The following GRIP1 variants were observed in gnomAD, a reference collection of about 807,000 sequenced individuals.
GRIP1 encodes the protein glutamate receptor interacting protein 1.
Under a neutral mutation model 129.9 loss-of-function variants are expected in GRIP1, and 45 were observed. The observed-to-expected ratio is 0.35, with a 90% CI of 0.27 to 0.44. The LOEUF is 0.44. Ranked by LOEUF, GRIP1 falls within the 20% of genes least tolerant of loss-of-function variation. The pLI is 1.00. For synonymous variants in GRIP1, 530 were observed against 520.8 expected, an observed-to-expected ratio of 1.02 and a Z score of -0.24; for missense variants, 1,196 against 1,396.8, an observed-to-expected ratio of 0.86 and a Z score of 2.29.
At chr12:66,947,696 A>C (rs774356607) in intron 1 of GRIP1, among the ~76,000 whole-genome samples, 17 of 152,216 alleles carry the variant, frequency 1.1e-4, no homozygotes, top group Non-Finnish European at 2.2e-4. Context: ...GGCATTGTGA[A>C]CAAGAATTCT....
intron 1 of GRIP1, among the ~76,000 whole-genome samples, chr12:66,641,872 C>A (rs2136092028): frequency 6.6e-6 from 1 of 152,196 alleles, no homozygotes; most frequent in East Asian, 1.9e-4. Flanking sequence ...ATAAGCATCA[C>A]CTTAAAAGTG....
intron 2 of GRIP1, chr12:66,564,080 T>TTC (rs398070113): frequency 1.6e-5 from 1 of 62,694 alleles, no homozygotes; most frequent in Non-Finnish European, 3.4e-5. Context: ...GTTTCTTCTC[T>TTC]GTCTTTTTCA....
intron 15 of GRIP1, among the ~76,000 whole-genome samples, chr12:66,418,347 C>T (rs1192973184): frequency 6.6e-6 from 1 of 152,138 alleles, no homozygotes; most frequent in Non-Finnish European, 1.5e-5. Flanking sequence ...CACAAGAAAA[C>T]ATTGGGGAAA....
At chr12:66,359,142 A>G (rs1008836587) in intron 23 of GRIP1, among the ~76,000 whole-genome samples, 8 of 152,188 alleles carry the variant, frequency 5.3e-5, no homozygotes, top group African/African-American at 1.9e-4. Context: ...CTCTGTGCCT[A>G]CGGCTAGTTG....
At chr12:66,637,999 C>A (rs1308723289) in intron 1 of GRIP1, among the ~76,000 whole-genome samples, 2 of 152,174 alleles carry the variant, frequency 1.3e-5, no homozygotes, top group Non-Finnish European at 2.9e-5. Context: ...ACTAAAAATT[C>A]TTTTGTACGC....
At chr12:66,578,329 C>T (rs576483001) in intron 2 of GRIP1, among the ~76,000 whole-genome samples, 88 of 145,420 alleles carry the variant, frequency 6.1e-4, no homozygotes, top group Middle Eastern at 7.8e-3. Context: ...GTGTGAGCGA[C>T]GCAGAAGACG....
At chr12:66,902,941 T>C (rs2137277401) in intron 1 of GRIP1, among the ~76,000 whole-genome samples, 1 of 152,322 alleles carries the variant, frequency 6.6e-6, no homozygotes, top group South Asian at 2.1e-4. Flanking sequence ...ACGTGACAAA[T>C]TAGTTGCTAA....
intron 19 of GRIP1, among the ~76,000 whole-genome samples, chr12:66,390,798 C>T: frequency 6.6e-6 from 1 of 152,200 alleles, no homozygotes. Context: ...CTGTCCTTTA[C>T]TCAGTGTCTT....
At chr12:67,029,192 A>G (rs960213131) in intron 1 of GRIP1, among the ~76,000 whole-genome samples, 3 of 152,014 alleles carry the variant, frequency 2.0e-5, no homozygotes, top group Non-Finnish European at 4.4e-5. Flanking sequence ...GCTCACTGCA[A>G]CCTCCGCCTC....
intron 1 of GRIP1, among the ~76,000 whole-genome samples, chr12:67,050,721 T>G (rs1183903354): frequency 6.6e-6 from 1 of 152,190 alleles, no homozygotes; most frequent in Non-Finnish European, 1.5e-5. Context: ...TGTTCTGAAC[T>G]ACATTACCCT....
At chr12:66,579,829 C>G (rs2063300635) in intron 2 of GRIP1, among the ~76,000 whole-genome samples, 1 of 151,120 alleles carries the variant, frequency 6.6e-6, no homozygotes, top group Non-Finnish European at 1.5e-5. Flanking sequence ...TTGGAAAACA[C>G]TCTGCAGGAT....
intron 1 of GRIP1, among the ~76,000 whole-genome samples, chr12:66,704,560 A>G (rs1426011840): frequency 1.3e-5 from 2 of 152,112 alleles, no homozygotes. Flanking sequence ...CAGAATTGTG[A>G]AACAGAACAC....
intron 1 of GRIP1, among the ~76,000 whole-genome samples, chr12:66,685,577 T>C (rs1243417851): frequency 6.6e-6 from 1 of 152,176 alleles, no homozygotes; most frequent in East Asian, 1.9e-4. Flanking sequence ...TCCCAGGATA[T>C]AGCGGTGGTG....
chr12:66,575,832 G>A (rs943145945), intron 2 of GRIP1, among the ~76,000 whole-genome samples: 3 of 152,066 alleles, frequency 2.0e-5, no homozygotes, highest in Admixed American at 6.5e-5. Flanking sequence ...TGGCTTCAAA[G>A]GAGAAAAATC....
chr12:66,825,625 C>T (rs2039397114), intron 1 of GRIP1, among the ~76,000 whole-genome samples: 1 of 152,154 alleles, frequency 6.6e-6, no homozygotes. Context: ...TCCCTAGCTG[C>T]TTCCAGGATT....
intron 1 of GRIP1, among the ~76,000 whole-genome samples, chr12:66,723,011 C>T (rs1283897456): frequency 6.6e-6 from 1 of 151,612 alleles, no homozygotes; most frequent in Non-Finnish European, 1.5e-5. Flanking sequence ...GAAAACTCTA[C>T]ATCAGTGGAT....
intron 7 of GRIP1, among the ~76,000 whole-genome samples, chr12:66,478,992 A>G (rs895853472): frequency 6.6e-6 from 1 of 152,052 alleles, no homozygotes; most frequent in African/African-American, 2.4e-5. Context: ...ACAAACCTGC[A>G]CGTTGTGCAC....
At chr12:66,540,388 C>A (rs1267579736) in intron 3 of GRIP1, among the ~76,000 whole-genome samples, 1 of 152,170 alleles carries the variant, frequency 6.6e-6, no homozygotes, top group African/African-American at 2.4e-5. Context: ...ACTGAAAATG[C>A]TACCCTTTCC....
intron 1 of GRIP1, among the ~76,000 whole-genome samples, chr12:66,850,843 T>C (rs1030730335): frequency 2.6e-5 from 4 of 151,742 alleles, no homozygotes; most frequent in Non-Finnish European, 5.9e-5. Context: ...CTCATTAATA[T>C]GAATGTGACC....
Sources: allele counts gnomAD v4.1 joint callset (sites outside exome capture counted in the v4.1 genomes callset), GRCh38; gene constraint gnomAD v4.1.1; transcripts MANE v1.5; gene names NCBI Gene and HGNC (gene_info 2026-07-23, HGNC 2026-07-21).